The following NLRP13 variants were observed in gnomAD, a reference collection of about 807,000 sequenced individuals.
NLRP13 encodes NACHT, LRR and PYD domains-containing protein 13.
NLRP13 carries 82 observed loss-of-function variants against 94.4 expected under a neutral mutation model. The ratio of observed to expected loss-of-function variants is 0.87; its 90% CI spans 0.73 to 1.04. The LOEUF is 1.04. NLRP13 is among the 50% of genes least tolerant of loss of function. NLRP13 has a pLI of 0.00. For missense variants in NLRP13, 1,426 were observed against 1,230.8 expected, an observed-to-expected ratio of 1.16 and a Z score of -2.37; for synonymous variants, 553 against 464.7, an observed-to-expected ratio of 1.19 and a Z score of -2.45.
chr19:55,901,059 C>T (rs1321181092), intron 9 of NLRP13, among the ~76,000 whole-genome samples: 1 of 152,214 alleles, frequency 6.6e-6, no homozygotes, highest in African/African-American at 2.4e-5. Context: ...CTCTAATGGG[C>T]TGCCCTGGTA....
intron 9 of NLRP13, among the ~76,000 whole-genome samples, chr19:55,900,519 C>G (rs964929700): frequency 5.3e-5 from 8 of 152,008 alleles, no homozygotes; most frequent in African/African-American, 1.9e-4. Flanking sequence ...CGCCTGTAAT[C>G]CCAGCACTTT....
chr19:55,931,722 A>AAAAG lies in NLRP13; in HGVS notation c.319+267_319+270dup, dbSNP rs1328414237. 2.0e-4 allele frequency among the ~76,000 whole-genome samples: 21 copies of AAAAG among 107,324 alleles called. 1 individual carries two copies. Among genetic ancestry groups the AAAAG allele is most frequent in the South Asian group, 6.3e-4 (2 of 3,176 alleles). 70.4% of individuals were successfully genotyped at this position (107,324 alleles called of 152,430 possible). A position where few individuals can be genotyped will look rare whatever the true frequency, so the allele number is the denominator to read the frequency against. On this transcript the variant is annotated intron_variant, in intron 1 of 10. Coordinates refer to ENST00000342929, the MANE Select transcript of NLRP13 (RefSeq NM_176810.2). ...GAGACTCAGGCTCAAAAAAAAAAAA[A>AAAAG]AAAGAAAGAAAGAAAGAAAGAAAAA...
chr19:55,922,620 C>T (rs895291685), intron 4 of NLRP13, among the ~76,000 whole-genome samples: 5 of 152,162 alleles, frequency 3.3e-5, no homozygotes, highest in African/African-American at 1.2e-4. Context: ...GCCATCATGC[C>T]CAGCAGAGTT....
intron 4 of NLRP13, among the ~76,000 whole-genome samples, chr19:55,920,230 A>T (rs1369068849): frequency 6.6e-6 from 1 of 152,198 alleles, no homozygotes; most frequent in Non-Finnish European, 1.5e-5. Context: ...AAAATCCTAG[A>T]AGAAAATGTA....
chr19:55,913,235 G>A lies in NLRP13; in HGVS notation c.582C>T (p.Asn194=). ...ATACGTGGTCTTTAGGCCAACTGAT[G>A]TTGTCCCATGTCTCCAGTAGTTCAG... is the stretch of plus-strand genomic sequence containing the variant. The part of the protein sequence containing the change: ...MKAELLETWD[N]ISWPKDHVYI... Residue 194 remains asparagine, a synonymous_variant, in exon 5 of 11, where the codon AAC becomes AAT. Transcript: ENST00000342929. The A allele has an allele frequency of 1.2e-6, 2 of 1,614,110 alleles. No individual in the cohort carries two copies. Among genetic ancestry groups the A allele is most frequent in the Non-Finnish European group, 1.7e-6 (2 of 1,180,010 alleles).
intron 3 of NLRP13, 131 bp from the exon 4 acceptor site, chr19:55,924,110 T>C (rs943517455): frequency 5.7e-6 from 4 of 702,942 alleles, no homozygotes; most frequent in Non-Finnish European, 1.0e-5. Flanking sequence ...GAAATCAGCA[T>C]GCCCAGTTTA....
chr19:55,895,135 T>TA (rs36175044), downstream of NLRP13, among the ~76,000 whole-genome samples: 14,738 of 150,298 alleles, frequency 0.098, 1,132 homozygotes, highest in East Asian at 0.24. Flanking sequence ...CTCACGCCTG[T>TA]AATCGCAGCA....
Position 55,924,423 on chromosome 19 carries a change from G to A in NLRP13, c.457+167C>T, listed in dbSNP as rs138713958. 2.4e-3 allele frequency among the ~76,000 whole-genome samples: 361 copies of A among 152,206 alleles called. 1 individual carries two copies. Among genetic ancestry groups the A allele is most frequent in the African/African-American group, 8.3e-3 (345 of 41,536 alleles). On this transcript the variant is annotated intron_variant, in intron 3 of 10. Transcript: ENST00000342929. ...CAGATATGAGCCGTTCTACTCAGCC[G>A]TAAGTTATTATTTAATAAGAAATAC...
rs142099336 is a variant in NLRP13 at position 55,932,242 on chromosome 19, G to A, written c.70C>T (p.Leu24=). ...NQGLLPYLMA[L]DQYQLEEFKL... is the part of the protein sequence containing the mutation. ...AATTCCTCCAGCTGATACTGATCCA[G>A]GGCCATCAGGTAAGGCAGAAGCCCT... Residue 24 remains leucine (L), a synonymous_variant, in exon 1 of 11, where the codon CTG becomes TTG. Coordinates refer to ENST00000342929, the MANE Select transcript of NLRP13 (RefSeq NM_176810.2). 1.2e-6 allele frequency: 2 copies of A among 1,613,042 alleles called. No homozygotes were observed. The highest frequency in any genetic ancestry group is 1.7e-6 in the Non-Finnish European group (2 of 1,179,688).
intron 5 of NLRP13, among the ~76,000 whole-genome samples, chr19:55,911,275 A>G (rs1175780009): frequency 6.6e-6 from 1 of 152,166 alleles, no homozygotes; most frequent in Non-Finnish European, 1.5e-5. Context: ...TCTGTTGCCC[A>G]GGCTGGAGTG....
rs1323313325 is a variant in NLRP13, at chr19:55,907,900, C to A, written c.2339G>T (p.Gly780Val). The change falls in exon 7 of 11, where the codon GGT (glycine) becomes GTT (valine). Residue 780 changes from glycine (G) to valine (V), a missense_variant. By Grantham distance (109) the Gly-to-Val change is moderately radical (BLOSUM62 -3). Transcript: ENST00000342929. ...GTTCAGATGGGTCAGCTTGCTGTTA[C>A]CCTGAAGGGCAATAATGAGGTCCTG... The part of the protein sequence containing the change: ...VLQDLIIALQ[G>V]NSKLTHLNFS... 6.2e-7 allele frequency: 1 copy of A among 1,613,414 alleles called. No homozygotes were observed. Among genetic ancestry groups the A allele is most frequent in the East Asian group, 2.2e-5 (1 of 44,810 alleles).
rs867434374 is a variant in NLRP13 at position 55,910,734 on chromosome 19, C to T, written c.2112-1G>A. The T allele has an allele frequency of 5.6e-6, 9 of 1,605,070 alleles. No homozygotes were observed. The highest frequency in any genetic ancestry group is 1.3e-5 in the African/African-American group (1 of 74,914). ...CATCCTGGAATCAAACTTGCTTGTC[C>T]TTCATGAGGGAGAGACAGAACACGG... On this transcript the variant is annotated splice_acceptor_variant, in intron 5 of 10. Transcript: ENST00000342929. LOFTEE classifies it high-confidence loss of function.
chr19:55,930,187 G>T (rs1987076839), intron 1 of NLRP13, among the ~76,000 whole-genome samples: 1 of 152,174 alleles, frequency 6.6e-6, no homozygotes, highest in African/African-American at 2.4e-5. Flanking sequence ...AGGAGAAGCT[G>T]TACAAGGTCA....
chr19:55,913,528 G>GCA (rs1986591737), intron 4 of NLRP13, among the ~76,000 whole-genome samples: 1 of 81,686 alleles, frequency 1.2e-5, no homozygotes, highest in Non-Finnish European at 2.5e-5. Context: ...CAGCCTGGGT[G>GCA]ACAGAGTGAG....
rs1320399957 is a variant in NLRP13, at chr19:55,913,139, G to A, written c.678C>T (p.Ala226=). ...QRLLDPNRTR[A]QAQTIVLVGR... is the part of the protein sequence containing the mutation. Reference sequence around the variant, plus strand: ...CCACCAAGACTATCGTCTGGGCCTGGGCTCTAGTCCTATTAGGATCCAGTA... The same window carrying A: ...CCACCAAGACTATCGTCTGGGCCTGAGCTCTAGTCCTATTAGGATCCAGTA... Residue 226 remains alanine, a synonymous_variant, in exon 5 of 11, where the codon GCC becomes GCT. Transcript: ENST00000342929. 6.2e-7 allele frequency: 1 copy of A among 1,614,044 alleles called. No homozygotes were observed. The highest frequency in any genetic ancestry group is 2.2e-5 in the East Asian group (1 of 44,864).
At position 55,898,947 on chromosome 19, in the gene NLRP13, A is replaced by G. The variant is rs750050702; in HGVS notation, c.2790-10T>C. Reference sequence around the variant, plus strand: ...AGAACAACCTGACAAACTGCAAAATAAAAACATACAAAAGGGGGGAAAGTA... The same window carrying G: ...AGAACAACCTGACAAACTGCAAAATGAAAACATACAAAAGGGGGGAAAGTA... On this transcript the variant is annotated splice_polypyrimidine_tract_variant and intron_variant, in intron 9 of 10. Transcript: ENST00000342929. The G allele has an allele frequency of 9.3e-6, 15 of 1,605,542 alleles. No individual in the cohort carries two copies. In the South Asian group the frequency reaches 1.4e-4, roughly 15 times the overall value.
chr19:55,925,895 C>T (rs183690263), intron 1 of NLRP13, among the ~76,000 whole-genome samples: 38 of 152,242 alleles, frequency 2.5e-4, no homozygotes, highest in Admixed American at 8.5e-4. Flanking sequence ...TCATTCTACA[C>T]CCATGTTAGC....
intron 7 of NLRP13, among the ~76,000 whole-genome samples, chr19:55,905,413 A>G (rs1235101634): frequency 1.3e-5 from 2 of 150,726 alleles, no homozygotes; most frequent in Non-Finnish European, 3.0e-5. Flanking sequence ...ATACATATAT[A>G]TACACGTATA....
At chr19:55,931,578 G>A (rs555099852) in intron 1 of NLRP13, among the ~76,000 whole-genome samples, 1,778 of 150,526 alleles carry the variant, frequency 0.012, 44 homozygotes, top group African/African-American at 0.04. Flanking sequence ...GTGTGGTGGC[G>A]GGCGCCTGTA....
Sources: gnomAD v4.1 joint callset for allele counts (sites outside exome capture counted in the v4.1 genomes callset) on GRCh38, gnomAD v4.1.1 for gene constraint, MANE v1.5 for transcripts, NCBI Gene and HGNC (gene_info 2026-07-23, HGNC 2026-07-21) for gene names.